Variants in PSAP observed in about 807,000 individuals in gnomAD.
PSAP encodes the protein precursor of saposins.
Under a neutral mutation model 66.0 loss-of-function variants are expected in PSAP, and 25 were observed. The ratio of observed to expected loss-of-function variants is 0.38; its 90% CI spans 0.28 to 0.53. PSAP has a LOEUF of 0.53. Among genes scored for constraint, PSAP ranks in the 20% least tolerant of loss-of-function variants. The pLI, the probability that PSAP is intolerant of heterozygous loss-of-function variation, is 0.83. For missense variants in PSAP, 649 were observed against 668.8 expected (o/e 0.97, Z 0.33); for synonymous variants, 273 against 258.9 (o/e 1.05, Z -0.52).
chr10:71,821,899 G>C lies in PSAP; in HGVS notation c.886C>G (p.Leu296Val). The change falls in exon 8 of 14, where the codon CTG becomes GTG. Residue 296 changes from leucine to valine, a missense_variant. Coordinates refer to ENST00000394936, the MANE Select transcript of PSAP (RefSeq NM_002778.4). Reference protein sequence around the residue: ...KVASKNVIPALELVEPIKKHE... With the variant: ...KVASKNVIPAVELVEPIKKHE... ...ACCTTAATGGGCTCCACCAGTTCCA[G>C]GGCAGGGATGACATTCTTGGAGGCC... The C allele has an allele frequency of 3.1e-6, 5 of 1,614,214 alleles. No homozygotes were observed. Among genetic ancestry groups the C allele is most frequent in the South Asian group, 1.1e-5 (1 of 91,088 alleles).
rs1194848564 is a variant in PSAP at position 71,819,110 on chromosome 10, C to G, written c.1352G>C (p.Cys451Ser). The stretch of plus-strand genomic sequence containing the variant: ...CTCGTACTCTGCCACAAACTGATCA[C>G]ACTATAAAGGAAAGTGGGGACACAG... ...SFLPDPYQKQ[C>S]DQFVAEYEPV... Residue 451 changes from cysteine (C) to serine (S), a missense_variant and splice_region_variant, in exon 12 of 14, where the codon TGT becomes TCT. Cys to Ser is a moderately radical substitution (Grantham distance 112). Coordinates refer to ENST00000394936, the MANE Select transcript of PSAP (RefSeq NM_002778.4). 1 of 1,613,888 alleles carries G rather than the reference C, an allele frequency of 6.2e-7. No individual in the cohort carries two copies. The highest frequency in any genetic ancestry group is 1.1e-5 in the South Asian group (1 of 91,050).
Position 71,831,182 on chromosome 10 carries a change from T to G in PSAP, c.319A>C (p.Lys107Gln), listed in dbSNP as rs752007600. The part of the protein sequence containing the change: ...LPKPNMSASC[K>Q]EIVDSYLPVI... ...GGGAGGTAGGAGTCCACTATCTCCTTGCATGAAGCAGACATGTTCGGTTTC... is the reference window on the plus strand; with the variant it reads ...GGGAGGTAGGAGTCCACTATCTCCTGGCATGAAGCAGACATGTTCGGTTTC... The change falls in exon 4 of 14, where the codon AAG (lysine) becomes CAG (glutamine). Residue 107 changes from lysine (K) to glutamine (Q), a missense_variant. By Grantham distance (53) the Lys-to-Gln change is moderately conservative. Coordinates refer to ENST00000394936, the MANE Select transcript of PSAP (RefSeq NM_002778.4). 148 of 1,614,056 alleles carry G rather than the reference T, an allele frequency of 9.2e-5. No homozygotes were observed. The South Asian group carries it at 1.6e-3, about 17-fold the overall frequency.
intron 2 of PSAP, among the ~76,000 whole-genome samples, chr10:71,833,033 A>AAAAAAC (rs1007358333): frequency 9.0e-5 from 11 of 122,222 alleles, no homozygotes; most frequent in African/African-American, 1.2e-4. Context: ...AAAAAAAAAC[A>AAAAAAC]AAAAACAAAA....
chr10:71,839,380 T>C (rs550536725), intron 1 of PSAP, among the ~76,000 whole-genome samples: 1 of 152,136 alleles, frequency 6.6e-6, no homozygotes, highest in Admixed American at 6.5e-5. Flanking sequence ...GCTGAGATTA[T>C]AGGCGCCTGC....
At chr10:71,825,772 TC>T in intron 7 of PSAP, 64 bp downstream of exon 7, 1 of 1,475,538 alleles carries the variant, frequency 6.8e-7, no homozygotes, top group Non-Finnish European at 9.5e-7. Context: ...TTTTCAAAAT[TC>T]CTAGAAATGA....
chr10:71,826,027 G>C (rs899910724), intron 6 of PSAP, 134 bp from the exon 7 acceptor site: 16 of 751,288 alleles, frequency 2.1e-5, no homozygotes, highest in Non-Finnish European at 3.7e-5. Flanking sequence ...AGAATTTTAT[G>C]AATGTCTGCT....
intron 6 of PSAP, among the ~76,000 whole-genome samples, chr10:71,827,560 C>G (rs1842420873): frequency 6.6e-6 from 1 of 151,772 alleles, no homozygotes; most frequent in South Asian, 2.1e-4. Flanking sequence ...AACCCCATCT[C>G]TACTAAAAAT....
chr10:71,827,585 G>C (rs1589450728), intron 6 of PSAP, among the ~76,000 whole-genome samples: 1 of 151,652 alleles, frequency 6.6e-6, no homozygotes, highest in African/African-American at 2.4e-5. Context: ...AAATTAGCTG[G>C]GCGTGATTGC....
chr10:71,844,248 GCT>G (rs565083770), intron 1 of PSAP, among the ~76,000 whole-genome samples: 139 of 152,222 alleles, frequency 9.1e-4, no homozygotes, highest in Non-Finnish European at 1.6e-3. Flanking sequence ...CAGCAATTCT[GCT>G]CTTAGACATA....
chr10:71,835,204 G>A (rs969474141), intron 1 of PSAP, among the ~76,000 whole-genome samples: 9 of 150,754 alleles, frequency 6.0e-5, no homozygotes, highest in Admixed American at 4.0e-4. Flanking sequence ...GTGACAGAGC[G>A]AGACTCCGTT....
intron 13 of PSAP, among the ~76,000 whole-genome samples, chr10:71,817,854 T>A (rs545764660): frequency 2.0e-5 from 3 of 152,296 alleles, no homozygotes; most frequent in South Asian, 4.1e-4. Context: ...AGCTCGGGCC[T>A]TGAGAAGCAG....
intron 3 of PSAP, 78 bp downstream of exon 3, chr10:71,831,768 C>G (rs1842523056): frequency 1.4e-6 from 2 of 1,402,272 alleles, no homozygotes; most frequent in Admixed American, 1.7e-5. Context: ...CCTCTTTAGA[C>G]ACCCGGAATC....
chr10:71,817,184 A>C lies in PSAP; in HGVS notation c.*257T>G, dbSNP rs951022344. 5 of 570,190 alleles carry C rather than the reference A, an allele frequency of 8.8e-6. No individual in the cohort carries two copies. The African/African-American group carries it at 9.4e-5, about 11-fold the overall frequency. 35.3% of individuals were successfully genotyped at this position (570,190 alleles called of 1,614,324 possible). A position where few individuals can be genotyped will look rare whatever the true frequency, so the allele number is the denominator to read the frequency against. ...CTCCTCCTCCAGCAGGCGCCATGCA[A>C]GGGCAGGCTAAAAGACCTCCAGTGC... On this transcript the variant is annotated 3_prime_UTR_variant, in exon 14 of 14. Transcript: ENST00000394936.
intron 7 of PSAP, chr10:71,822,527 A>G (rs1187081620): frequency 8.6e-6 from 4 of 467,236 alleles, no homozygotes. Context: ...TTCTATGTTC[A>G]AGCTGCACAC....
chr10:71,818,731 G>T lies in PSAP; in HGVS notation c.1432-7C>A. 6.2e-7 allele frequency: 1 copy of T among 1,607,624 alleles called. No homozygotes were observed. ...AGGGGCAGGCTCCAATTTTCTATAT[G>T]GTGAGAAAAGGAAAGAAGAAAGGGG... is the stretch of plus-strand genomic sequence containing the variant. On this transcript the variant is annotated splice_region_variant and splice_polypyrimidine_tract_variant and intron_variant, in intron 12 of 13. Coordinates refer to ENST00000394936, the MANE Select transcript of PSAP (RefSeq NM_002778.4).
intron 7 of PSAP, among the ~76,000 whole-genome samples, chr10:71,823,650 T>G (rs1209021640): frequency 1.3e-5 from 2 of 152,168 alleles, no homozygotes; most frequent in African/African-American, 2.4e-5. Flanking sequence ...CACAAGGCTC[T>G]GCTGGCTTCA....
chr10:71,835,821 G>GAAAAAAAAA (rs758665607), intron 1 of PSAP, among the ~76,000 whole-genome samples: 4 of 49,412 alleles, frequency 8.1e-5, no homozygotes, highest in Admixed American at 4.2e-4. Context: ...GTCTGAGACA[G>GAAAAAAAAA]AAAAAAAAAA....
At chr10:71,840,183 GA>G (rs78037982) in intron 1 of PSAP, among the ~76,000 whole-genome samples, 160 of 141,446 alleles carry the variant, frequency 1.1e-3, no homozygotes, top group East Asian at 8.6e-3. Context: ...CTAGCTACCA[GA>G]AAAAAAAAAA....
chr10:71,847,144 CAT>C (rs1193367591), intron 1 of PSAP, among the ~76,000 whole-genome samples: 4 of 152,160 alleles, frequency 2.6e-5, no homozygotes, highest in Non-Finnish European at 5.9e-5. Context: ...CTTCAACTCT[CAT>C]AGTTTGTTCT....
Sources: gnomAD v4.1 joint callset for allele counts (sites outside exome capture counted in the v4.1 genomes callset) on GRCh38, gnomAD v4.1.1 for gene constraint, MANE v1.5 for transcripts, NCBI Gene and HGNC (gene_info 2026-07-23, HGNC 2026-07-21) for gene names.